Variants in ETV1 observed in about 807,000 individuals in gnomAD.
ETV1 encodes the protein ETS variant transcription factor 1.
ETV1 carries 27 observed loss-of-function variants against 62.3 expected under a neutral mutation model. The ratio of observed to expected loss-of-function variants is 0.43; its 90% CI spans 0.32 to 0.60. The LOEUF is 0.60. Ranked by LOEUF, ETV1 falls within the 20% of genes least tolerant of loss-of-function variation. The pLI is 0.06. For synonymous variants in ETV1, 222 were observed against 199.6 expected (o/e 1.11, Z -0.94); for missense variants, 605 against 605.8 (o/e 1.00, Z 0.01).
rs373561573 is a variant in ETV1 at position 13,935,746 on chromosome 7, C to A, written c.516G>T (p.Ser172=). 3 of 1,613,360 alleles carry A rather than the reference C, an allele frequency of 1.9e-6. No homozygotes were observed. The highest frequency in any genetic ancestry group is 1.3e-5 in the African/African-American group (1 of 74,756). Residue 172 remains serine, a synonymous_variant, in exon 8 of 14, where the codon TCG becomes TCT. Transcript: ENST00000430479. ...DRAFPAHLPP[S]QSIPDSSYPM... ...GGTAGCTGCTATCTGGTATGGACTGCGATGGAGGGAGGTGAGCTGGGAAGG... is the reference window on the plus strand; with the variant it reads ...GGTAGCTGCTATCTGGTATGGACTGAGATGGAGGGAGGTGAGCTGGGAAGG...
At chr7:13,899,501 G>C (rs1403955331) in intron 13 of ETV1, among the ~76,000 whole-genome samples, 2 of 152,070 alleles carry the variant, frequency 1.3e-5, no homozygotes, top group Non-Finnish European at 2.9e-5. Flanking sequence ...GCTATTTTTC[G>C]CTGCTCTAAT....
intron 9 of ETV1, among the ~76,000 whole-genome samples, chr7:13,928,850 C>G (rs762318392): frequency 2.0e-5 from 3 of 151,966 alleles, no homozygotes; most frequent in Non-Finnish European, 4.4e-5. Flanking sequence ...CCCAGTTACT[C>G]GGGAGGCTGA....
At chr7:13,924,296 C>G (rs1296174145) in intron 9 of ETV1, among the ~76,000 whole-genome samples, 1 of 152,092 alleles carries the variant, frequency 6.6e-6, no homozygotes, top group African/African-American at 2.4e-5. Flanking sequence ...CAATCAAGGA[C>G]TTAGAGCTTG....
chr7:13,898,835 T>C lies in ETV1; in HGVS notation c.1212+1903A>G, dbSNP rs986117894. Among the ~76,000 whole-genome samples the C allele has an allele frequency of 4.6e-5, 7 of 152,286 alleles. No homozygotes were observed. The South Asian group carries it at 1.4e-3, about 32-fold the overall frequency. On this transcript the variant is annotated intron_variant, in intron 13 of 13. Coordinates refer to ENST00000430479, the MANE Select transcript of ETV1 (RefSeq NM_004956.5). ...TTTACTTGAACATCAGAATGGTACA[T>C]ATCCGAGAATGTGATTAGCTGGGTG...
rs1562644119 is a variant in ETV1 at position 13,935,846 on chromosome 7, G to GT, written c.415dup (p.Thr139AsnfsTer24). ...TGGGGACACTGGCGTGCTGGATGGT[G>GT]TGGGGGGGTTGGAGGGCCTCATTCC... On this transcript the variant is annotated frameshift_variant, in exon 8 of 14. Coordinates refer to ENST00000430479, the MANE Select transcript of ETV1 (RefSeq NM_004956.5). LOFTEE classifies it high-confidence loss of function. 1 of 1,613,964 alleles carries GT rather than the reference G, an allele frequency of 6.2e-7. No individual in the cohort carries two copies. Among genetic ancestry groups the GT allele is most frequent in the Non-Finnish European group, 8.5e-7 (1 of 1,179,874 alleles).
intron 13 of ETV1, among the ~76,000 whole-genome samples, chr7:13,898,863 G>C (rs112336239): frequency 2.6e-5 from 4 of 152,300 alleles, no homozygotes; most frequent in African/African-American, 9.6e-5. Flanking sequence ...GCTGGGTGCA[G>C]TGATGCAAAC....
intron 6 of ETV1, chr7:13,959,108 T>A (rs1789845779): frequency 1.3e-5 from 2 of 151,748 alleles, no homozygotes; most frequent in African/African-American, 4.8e-5. Flanking sequence ...TGTAGTCAGG[T>A]AGTATTTTTT....
At chr7:13,923,896 G>T (rs528427093) in intron 9 of ETV1, among the ~76,000 whole-genome samples, 1 of 152,022 alleles carries the variant, frequency 6.6e-6, no homozygotes, top group Non-Finnish European at 1.5e-5. Flanking sequence ...GCCGGGCATG[G>T]TGGTGGCGCA....
rs527956416 is a variant in ETV1 at position 13,931,749 on chromosome 7, T to C, written c.555A>G (p.Arg185=). The C allele has an allele frequency of 4.3e-5, 69 of 1,613,884 alleles. 1 individual carries two copies. The South Asian group carries it at 6.1e-4, about 14-fold the overall frequency. ...AGGGTTCAGAAAGCTGGCGGCGAAATCTAGGGAATAAGAGAGTGTGTTTCA... is the reference window on the plus strand; with the variant it reads ...AGGGTTCAGAAAGCTGGCGGCGAAACCTAGGGAATAAGAGAGTGTGTTTCA... ...IPDSSYPMDH[R]FRRQLSEPCN... The change falls in exon 9 of 14, where the codon AGA becomes AGG. Residue 185 remains arginine, a splice_region_variant and synonymous_variant. Coordinates refer to ENST00000430479, the MANE Select transcript of ETV1 (RefSeq NM_004956.5).
chr7:13,985,081 C>A (rs913896615), intron 5 of ETV1, among the ~76,000 whole-genome samples: 2 of 151,926 alleles, frequency 1.3e-5, no homozygotes, highest in African/African-American at 4.8e-5. Context: ...ATCTAAGAAC[C>A]AACAAACCTT....
At chr7:13,917,508 G>T (rs139109754) in intron 9 of ETV1, among the ~76,000 whole-genome samples, 1 of 151,584 alleles carries the variant, frequency 6.6e-6, no homozygotes, top group Non-Finnish European at 1.5e-5. Context: ...GTAGAGACAG[G>T]GTTTCACTAT....
At chr7:13,955,862 A>ATTT (rs1383934511) in intron 6 of ETV1, among the ~76,000 whole-genome samples, 5 of 152,130 alleles carry the variant, frequency 3.3e-5, no homozygotes, top group African/African-American at 1.2e-4. Context: ...CACATCTCTA[A>ATTT]TTTTTCATCG....
chr7:13,934,917 G>A (rs1786622940), intron 8 of ETV1, among the ~76,000 whole-genome samples: 1 of 152,074 alleles, frequency 6.6e-6, no homozygotes, highest in South Asian at 2.1e-4. Context: ...TTACCAGCAC[G>A]CCACTGCATA....
intron 6 of ETV1, among the ~76,000 whole-genome samples, chr7:13,958,022 T>C (rs1789696143): frequency 6.6e-6 from 1 of 152,144 alleles, no homozygotes; most frequent in African/African-American, 2.4e-5. Flanking sequence ...AAAGCCTGCT[T>C]CTCCTCTTAC....
chr7:13,937,424 C>T (rs947270721), intron 7 of ETV1, among the ~76,000 whole-genome samples: 2 of 152,140 alleles, frequency 1.3e-5, no homozygotes, highest in Admixed American at 6.5e-5. Context: ...TTCTGTATAG[C>T]GATGGAAGTA....
At chr7:13,968,312 T>C (rs1396377972) in intron 6 of ETV1, among the ~76,000 whole-genome samples, 2 of 152,008 alleles carry the variant, frequency 1.3e-5, no homozygotes, top group South Asian at 2.1e-4. Context: ...TATATATTTT[T>C]AGCTTTCATC....
At chr7:13,913,866 T>C (rs1350978882) in intron 9 of ETV1, among the ~76,000 whole-genome samples, 5 of 149,030 alleles carry the variant, frequency 3.4e-5, no homozygotes, top group East Asian at 2.0e-4. Flanking sequence ...CTTTAACTAT[T>C]TGGGGGTACC....
intron 6 of ETV1, among the ~76,000 whole-genome samples, chr7:13,963,544 ACTT>A (rs1790434244): frequency 6.7e-6 from 1 of 150,336 alleles, no homozygotes; most frequent in African/African-American, 2.5e-5. Context: ...AAAAAAAAAA[ACTT>A]CATGCACACA....
At chr7:13,986,260 C>G in intron 5 of ETV1, 2 of 1,522,104 alleles carry the variant, frequency 1.3e-6, no homozygotes, top group Non-Finnish European at 1.8e-6. Context: ...ATGCGCTGCT[C>G]TAAAGGAAAC....
Sources: gnomAD v4.1 joint callset for allele counts (sites outside exome capture counted in the v4.1 genomes callset) on GRCh38, gnomAD v4.1.1 for gene constraint, MANE v1.5 for transcripts, NCBI Gene and HGNC (gene_info 2026-07-23, HGNC 2026-07-21) for gene names.